Variants in CSMD1 observed in about 807,000 individuals in gnomAD.
CSMD1 encodes CUB and Sushi multiple domains 1, also known as CUB and sushi domain-containing protein 1.
CSMD1 carries 213 observed loss-of-function variants against 417.5 expected under a neutral mutation model. The observed-to-expected ratio is 0.51, with a 90% CI of 0.46 to 0.57. The LOEUF is 0.57. Among genes scored for constraint, CSMD1 ranks in the 20% least tolerant of loss-of-function variants. The pLI is 0.00. For synonymous variants in CSMD1, 2,862 were observed against 1,736.8 expected, an observed-to-expected ratio of 1.65 and a Z score of -16.11; for missense variants, 6,923 against 4,529.7, an observed-to-expected ratio of 1.53 and a Z score of -15.17.
chr8:3,484,973 T>C (rs1251301663), intron 11 of CSMD1, among the ~76,000 whole-genome samples: 4 of 152,186 alleles, frequency 2.6e-5, no homozygotes, highest in South Asian at 2.1e-4. Context: ...GGCTGTGATG[T>C]TGGAGAACCA....
At position 3,203,452 on chromosome 8, in the gene CSMD1, C is replaced by T. The variant is rs73660612; in HGVS notation, c.4985-1727G>A. On this transcript the variant is annotated intron_variant, in intron 31 of 69. Coordinates refer to ENST00000635120, the MANE Select transcript of CSMD1 (RefSeq NM_033225.6). ...ACAAAGGGTTATGGGGCTTCAGCCGCGGGAACTGTCAATGCTTCATGGTGA... is the reference window on the plus strand; with the variant it reads ...ACAAAGGGTTATGGGGCTTCAGCCGTGGGAACTGTCAATGCTTCATGGTGA... Among the ~76,000 whole-genome samples, 370 of 152,230 alleles carry T rather than the reference C, an allele frequency of 2.4e-3. 1 individual carries two copies. Among genetic ancestry groups the T allele is most frequent in the African/African-American group, 8.6e-3 (359 of 41,546 alleles).
chr8:4,573,311 C>A (rs1057244389), intron 2 of CSMD1, among the ~76,000 whole-genome samples: 3 of 152,126 alleles, frequency 2.0e-5, no homozygotes, highest in Non-Finnish European at 4.4e-5. Flanking sequence ...TTCGCATGGG[C>A]ATCCTTTTTG....
At chr8:4,398,508 C>G (rs1804419146) in intron 3 of CSMD1, among the ~76,000 whole-genome samples, 2 of 150,914 alleles carry the variant, frequency 1.3e-5, no homozygotes, top group South Asian at 4.2e-4. Context: ...TTCTCCTAGC[C>G]TCAGCCTCCC....
At chr8:4,361,506 G>C (rs557928923) in intron 3 of CSMD1, among the ~76,000 whole-genome samples, 2 of 152,074 alleles carry the variant, frequency 1.3e-5, no homozygotes, top group Non-Finnish European at 2.9e-5. Flanking sequence ...TTAGAAGACG[G>C]AGGCCTGCAA....
At chr8:3,866,812 G>T (rs1293958631) in intron 5 of CSMD1, among the ~76,000 whole-genome samples, 1 of 152,096 alleles carries the variant, frequency 6.6e-6, no homozygotes. Context: ...TCCTTAATAT[G>T]AAGGACTTCA....
chr8:3,818,053 G>C (rs1056186159), intron 5 of CSMD1, among the ~76,000 whole-genome samples: 2 of 151,990 alleles, frequency 1.3e-5, no homozygotes, highest in African/African-American at 2.4e-5. Flanking sequence ...CGTTCTATTC[G>C]GCTTGGAGCA....
At chr8:3,594,124 C>T (rs1399474510) in intron 8 of CSMD1, among the ~76,000 whole-genome samples, 4 of 152,174 alleles carry the variant, frequency 2.6e-5, no homozygotes, top group African/African-American at 7.2e-5. Flanking sequence ...AGCTGCTCCT[C>T]ACTCTTCACT....
At chr8:3,969,070 G>C (rs1380640163) in intron 5 of CSMD1, among the ~76,000 whole-genome samples, 1 of 152,120 alleles carries the variant, frequency 6.6e-6, no homozygotes, top group Admixed American at 6.5e-5. Flanking sequence ...GGACAACATG[G>C]TGCAAGCACA....
At chr8:4,699,069 G>C (rs954841958) in intron 1 of CSMD1, among the ~76,000 whole-genome samples, 7 of 152,092 alleles carry the variant, frequency 4.6e-5, no homozygotes, top group East Asian at 1.9e-4. Flanking sequence ...AATGTGCTTT[G>C]ACGTAGATGT....
chr8:4,457,645 A>C (rs1189167045), intron 2 of CSMD1, among the ~76,000 whole-genome samples: 1 of 152,154 alleles, frequency 6.6e-6, no homozygotes, highest in African/African-American at 2.4e-5. Context: ...TTTATTTTCA[A>C]ATAGCATGAT....
At chr8:4,902,186 G>C (rs1296241114) in intron 1 of CSMD1, among the ~76,000 whole-genome samples, 1 of 151,928 alleles carries the variant, frequency 6.6e-6, no homozygotes, top group Non-Finnish European at 1.5e-5. Context: ...AAGATGGAAG[G>C]ATCACTTGAA....
chr8:4,361,033 C>T (rs898168932), intron 3 of CSMD1, among the ~76,000 whole-genome samples: 2 of 152,060 alleles, frequency 1.3e-5, no homozygotes, highest in African/African-American at 2.4e-5. Context: ...AAAATTAATG[C>T]TATATTGAAA....
At chr8:3,898,173 C>G (rs573022431) in intron 5 of CSMD1, among the ~76,000 whole-genome samples, 3 of 152,130 alleles carry the variant, frequency 2.0e-5, no homozygotes, top group Non-Finnish European at 2.9e-5. Context: ...CCATCAATCC[C>G]TGCAAGCCAT....
chr8:4,030,513 C>T (rs1359751484), intron 4 of CSMD1, among the ~76,000 whole-genome samples: 1 of 152,144 alleles, frequency 6.6e-6, no homozygotes, highest in Non-Finnish European at 1.5e-5. Context: ...ATGCAGGGCA[C>T]CAAGTCTCTA....
intron 1 of CSMD1, among the ~76,000 whole-genome samples, chr8:4,923,692 T>C (rs889398039): frequency 6.6e-6 from 1 of 152,132 alleles, no homozygotes; most frequent in Non-Finnish European, 1.5e-5. Flanking sequence ...GAGCACTCAG[T>C]GGGACTATCA....
At chr8:3,803,781 G>C (rs1800584511) in intron 5 of CSMD1, among the ~76,000 whole-genome samples, 2 of 152,128 alleles carry the variant, frequency 1.3e-5, no homozygotes, top group African/African-American at 4.8e-5. Flanking sequence ...AGTAACATTT[G>C]GAAAATATCT....
At chr8:4,285,946 A>T (rs542123866) in intron 3 of CSMD1, among the ~76,000 whole-genome samples, 4 of 152,306 alleles carry the variant, frequency 2.6e-5, no homozygotes, top group Non-Finnish European at 5.9e-5. Context: ...GCTATGATAT[A>T]TCCGCAATGC....
At chr8:4,497,747 C>G (rs559613872) in intron 2 of CSMD1, among the ~76,000 whole-genome samples, 1 of 152,214 alleles carries the variant, frequency 6.6e-6, no homozygotes, top group South Asian at 2.1e-4. Flanking sequence ...CAAAGCTCCC[C>G]GAAACAATTC....
intron 1 of CSMD1, among the ~76,000 whole-genome samples, chr8:4,860,004 C>G (rs1294735499): frequency 6.6e-6 from 1 of 151,966 alleles, no homozygotes; most frequent in East Asian, 1.9e-4. Context: ...AGACTTGGAA[C>G]CAACCCAAAT....
Sources: allele counts gnomAD v4.1 joint callset (sites outside exome capture counted in the v4.1 genomes callset), GRCh38; gene constraint gnomAD v4.1.1; transcripts MANE v1.5; gene names NCBI Gene and HGNC (gene_info 2026-07-23, HGNC 2026-07-21).